Variants in ASPG observed in about 807,000 individuals in gnomAD.
ASPG encodes the protein 60 kDa lysophospholipase.
In ASPG, 53 loss-of-function variants were observed where a neutral mutation model predicts 63.2. That is an observed-to-expected ratio of 0.84 (90% CI 0.67 to 1.05). The LOEUF (loss-of-function observed/expected upper bound fraction) is 1.05. Among genes scored for constraint, ASPG ranks in the 50% least tolerant of loss-of-function variants. The pLI, the probability that ASPG is intolerant of heterozygous loss-of-function variation, is 0.00. For synonymous variants in ASPG, 370 were observed against 355.0 expected, an observed-to-expected ratio of 1.04 and a Z score of -0.48; for missense variants, 741 against 794.4, an observed-to-expected ratio of 0.93 and a Z score of 0.81.
At chr14:104,085,966 G>T (rs2036211251) in intron 1 of ASPG, 114 bp downstream of exon 1, 1 of 991,548 alleles carries the variant, frequency 1.0e-6, no homozygotes, top group Non-Finnish European at 1.4e-6. Context: ...CCTGGATGGG[G>T]GGTGCGGGCT....
At chr14:104,102,263 G>A (rs2036910270) in intron 6 of ASPG, among the ~76,000 whole-genome samples, 1 of 152,216 alleles carries the variant, frequency 6.6e-6, no homozygotes, top group African/African-American at 2.4e-5. Flanking sequence ...ACTCACTGCT[G>A]GGGGCTCCGC....
At chr14:104,088,255 C>T (rs2036272201) in intron 1 of ASPG, among the ~76,000 whole-genome samples, 2 of 152,188 alleles carry the variant, frequency 1.3e-5, no homozygotes, top group African/African-American at 4.8e-5. Flanking sequence ...ACGGCTTCTG[C>T]GCCTGCTGGT....
At chr14:104,092,602 AC>A in intron 1 of ASPG, 30 bp from the exon 2 acceptor site, 2 of 1,518,794 alleles carry the variant, frequency 1.3e-6, no homozygotes, top group South Asian at 1.2e-5. Flanking sequence ...TCAGCCCCTG[AC>A]CCCAGCATCC....
chr14:104,110,903 C>G lies in ASPG; in HGVS notation c.1521-599C>G. On this transcript the variant is annotated intron_variant, in intron 13 of 15. Transcript: ENST00000551177. The surrounding 1 kb of genome is among the most constrained non-coding windows in gnomAD (Gnocchi z 4.7). The stretch of plus-strand genomic sequence containing the variant: ...GAGGGCCTGGCAGGTGCTCCCCACT[C>G]CAGGGCAGGTGGGCCCAGACCCCTG... 6 of 985,398 alleles carry G rather than the reference C, an allele frequency of 6.1e-6. No homozygotes were observed. The highest frequency in any genetic ancestry group is 7.2e-6 in the Non-Finnish European group (6 of 829,894). The allele number at this position is 985,398 out of a possible 1,614,324, so 61.0% of individuals were successfully genotyped here. A position where few individuals can be genotyped will look rare whatever the true frequency, so the allele number is the denominator to read the frequency against.
intron 12 of ASPG, among the ~76,000 whole-genome samples, chr14:104,107,837 C>T (rs988854945): frequency 3.3e-5 from 5 of 151,828 alleles, no homozygotes; most frequent in African/African-American, 1.2e-4. Flanking sequence ...GGGGCCAGCA[C>T]TGGTGGGATC....
Position 104,104,308 on chromosome 14 carries a change from G to C in ASPG, c.758G>C (p.Arg253Pro), listed in dbSNP as rs1285267668. Reference sequence around the variant, plus strand: ...CCCCACCCCACCGCCCCACAGGTTCGGGCCTTCTTGCAGCCTCCCCTGAAG... The same window carrying C: ...CCCCACCCCACCGCCCCACAGGTTCCGGCCTTCTTGCAGCCTCCCCTGAAG... Reference protein sequence around the residue: ...LYPGIPAALVRAFLQPPLKGV... With the variant: ...LYPGIPAALVPAFLQPPLKGV... Residue 253 changes from arginine to proline, a missense_variant, in exon 8 of 16, where the codon CGG (arginine) becomes CCG (proline). Transcript: ENST00000551177. 3.1e-6 allele frequency: 5 copies of C among 1,610,926 alleles called. No homozygotes were observed. The highest frequency in any genetic ancestry group is 3.4e-6 in the Non-Finnish European group (4 of 1,178,812).
Position 104,112,545 on chromosome 14 carries a change from C to A in ASPG, c.*1C>A. Reference sequence around the variant, plus strand: ...TCAGGAAGTGCTGCCTGGTGTCTAACCTGAAGGCGTCCTGCTGCAGTATAA... The same window carrying A: ...TCAGGAAGTGCTGCCTGGTGTCTAAACTGAAGGCGTCCTGCTGCAGTATAA... On this transcript the variant is annotated 3_prime_UTR_variant, in exon 16 of 16. Coordinates refer to ENST00000551177, the MANE Select transcript of ASPG (RefSeq NM_001080464.3). 1 of 1,586,762 alleles carries A rather than the reference C, an allele frequency of 6.3e-7. No individual in the cohort carries two copies. Among genetic ancestry groups the A allele is most frequent in the Non-Finnish European group, 8.7e-7 (1 of 1,155,970 alleles).
chr14:104,093,371 C>G (rs2036437442), intron 2 of ASPG, 120 bp from the exon 3 acceptor site: 2 of 865,912 alleles, frequency 2.3e-6, no homozygotes, highest in Non-Finnish European at 3.8e-6. Flanking sequence ...ATGTGCGGAG[C>G]CCTTGGCGTA....
intron 1 of ASPG, among the ~76,000 whole-genome samples, chr14:104,090,625 C>T (rs2036339388): frequency 6.6e-6 from 1 of 152,244 alleles, no homozygotes; most frequent in South Asian, 2.1e-4. Context: ...CGCATCACTC[C>T]AGTCATCCAG....
At chr14:104,108,882 G>A (rs566512480) in intron 12 of ASPG, 1 of 985,282 alleles carries the variant, frequency 1.0e-6, no homozygotes, top group Non-Finnish European at 1.2e-6. Flanking sequence ...CCTTGGAATG[G>A]GTTGGGGAGA....
Position 104,095,547 on chromosome 14 carries a change from ACCACGGCTTTGTGGTCAT to A in ASPG, c.328_345del (p.Phe110_Gly115del). 1.2e-6 allele frequency: 2 copies of A among 1,613,050 alleles called. No homozygotes were observed. The highest frequency in any genetic ancestry group is 1.7e-6 in the Non-Finnish European group (2 of 1,179,786). On this transcript the variant is annotated inframe_deletion, in exon 4 of 16. Coordinates refer to ENST00000551177, the MANE Select transcript of ASPG (RefSeq NM_001080464.3). Reference sequence around the variant, plus strand: ...CTCCTGCAGAGGCACTACGAGCAGTACCACGGCTTTGTGGTCATCCACGGCACCGACACCATGGCCTTT... The same window carrying A: ...CTCCTGCAGAGGCACTACGAGCAGTACCACGGCACCGACACCATGGCCTTT...
rs200800276 is a variant in ASPG at position 104,085,822 on chromosome 14, G to C, written c.52G>C (p.Gly18Arg). The C allele has an allele frequency of 6.3e-7, 1 of 1,590,886 alleles. No homozygotes were observed. Among genetic ancestry groups the C allele is most frequent in the Non-Finnish European group, 8.5e-7 (1 of 1,174,382 alleles). Reference sequence around the variant, plus strand: ...GAGGCTGCTGGCCGTCTACACCGGCGGCACCATTGGCATGCGGAGTGAGCT... The same window carrying C: ...GAGGCTGCTGGCCGTCTACACCGGCCGCACCATTGGCATGCGGAGTGAGCT... ...ERRLLAVYTG[G>R]TIGMRSELGV... Residue 18 changes from glycine to arginine, a missense_variant, in exon 1 of 16, where the codon GGC becomes CGC. Coordinates refer to ENST00000551177, the MANE Select transcript of ASPG (RefSeq NM_001080464.3).
rs796704652 is a variant in ASPG, at chr14:104,093,740, G to A, written c.303+138G>A. 12 of 619,888 alleles carry A rather than the reference G, an allele frequency of 1.9e-5. No individual in the cohort carries two copies. The African/African-American group carries it at 2.1e-4, about 11-fold the overall frequency. The allele number at this position is 619,888 out of a possible 1,614,324, so 38.4% of individuals were successfully genotyped here. A position where few individuals can be genotyped will look rare whatever the true frequency, so the allele number is the denominator to read the frequency against. On this transcript the variant is annotated intron_variant, in intron 3 of 15. Transcript: ENST00000551177. ...GTGTGAGTGGGGCTAGGGAGCACGGGTGGGAATGGGGAGTGTGGGTGGGGC... is the reference window on the plus strand; with the variant it reads ...GTGTGAGTGGGGCTAGGGAGCACGGATGGGAATGGGGAGTGTGGGTGGGGC...
At chr14:104,097,663 G>A (rs768244632) in intron 5 of ASPG, 26 bp downstream of exon 5, 6 of 1,549,474 alleles carry the variant, frequency 3.9e-6, no homozygotes, top group African/African-American at 1.4e-5. Flanking sequence ...ACGTGGAGGC[G>A]GGGCAGGTGG....
At chr14:104,105,665 G>A (rs1015287250) in intron 10 of ASPG, among the ~76,000 whole-genome samples, 3 of 152,208 alleles carry the variant, frequency 2.0e-5, no homozygotes, top group East Asian at 3.9e-4. Context: ...AGGGCCAGGC[G>A]GTGGGCACAC....
intron 1 of ASPG, among the ~76,000 whole-genome samples, chr14:104,087,835 G>A (rs957814120): frequency 1.3e-5 from 2 of 152,194 alleles, no homozygotes; most frequent in Non-Finnish European, 2.9e-5. Flanking sequence ...GCACTCACAC[G>A]CGTGCACCGC....
rs1393294396 is a variant in ASPG at position 104,112,559 on chromosome 14, G to A, written c.*15G>A. The A allele has an allele frequency of 1.9e-6, 3 of 1,607,008 alleles. No individual in the cohort carries two copies. Among genetic ancestry groups the A allele is most frequent in the Non-Finnish European group, 2.6e-6 (3 of 1,175,410 alleles). ...CTGGTGTCTAACCTGAAGGCGTCCTGCTGCAGTATAAGCCATTCCTTCCTC... is the reference window on the plus strand; with the variant it reads ...CTGGTGTCTAACCTGAAGGCGTCCTACTGCAGTATAAGCCATTCCTTCCTC... On this transcript the variant is annotated 3_prime_UTR_variant, in exon 16 of 16. Transcript: ENST00000551177.
rs528837710 is a variant in ASPG, at chr14:104,097,655, G to C, written c.513+18G>C. The C allele has an allele frequency of 1.3e-6, 2 of 1,554,192 alleles. No individual in the cohort carries two copies. The highest frequency in any genetic ancestry group is 1.4e-5 in the African/African-American group (1 of 73,398). On this transcript the variant is annotated intron_variant, in intron 5 of 15. Coordinates refer to ENST00000551177, the MANE Select transcript of ASPG (RefSeq NM_001080464.3). ...TCCCAGAGGTACCTGCCTGGTGCAC[G>C]TGGAGGCGGGGCAGGTGGGGTGGGG...
At position 104,107,211 on chromosome 14, in the gene ASPG, C is replaced by T. The variant is rs369353056; in HGVS notation, c.1299C>T (p.Asn433=). ...GTGACCTGGGCCTGGTGGACTTTAA[C>T]GGCCAAACCCCACTGCACGCGGCCG... ...LGSDLGLVDF[N]GQTPLHAAAR... is the part of the protein sequence containing the mutation. The change falls in exon 12 of 16, where the codon AAC becomes AAT. Residue 433 remains asparagine (N), a synonymous_variant. Coordinates refer to ENST00000551177, the MANE Select transcript of ASPG (RefSeq NM_001080464.3). The T allele has an allele frequency of 2.6e-5, 42 of 1,589,166 alleles. No individual in the cohort carries two copies. The highest frequency in any genetic ancestry group is 4.5e-5 in the East Asian group (2 of 44,568).
Sources: allele counts gnomAD v4.1 joint callset (sites outside exome capture counted in the v4.1 genomes callset), GRCh38; gene constraint gnomAD v4.1.1; non-coding constraint Gnocchi (gnomAD v3.1); transcripts MANE v1.5; gene names NCBI Gene and HGNC (gene_info 2026-07-23, HGNC 2026-07-21).